The following STXBP5L variants were observed in gnomAD, a reference collection of about 807,000 sequenced individuals.
STXBP5L encodes the protein syntaxin-binding protein 5-like.
Under a neutral mutation model 144.5 loss-of-function variants are expected in STXBP5L, and 65 were observed. The ratio of observed to expected loss-of-function variants is 0.45; its 90% confidence interval spans 0.37 to 0.55. The LOEUF is 0.55. Among genes scored for constraint, STXBP5L ranks in the 20% least tolerant of loss-of-function variants. STXBP5L has a pLI of 0.00. For synonymous variants in STXBP5L, 505 were observed against 469.6 expected, an observed-to-expected ratio of 1.08 and a Z score of -0.97; for missense variants, 1,298 against 1,405.5, an observed-to-expected ratio of 0.92 and a Z score of 1.22.
chr3:121,405,627 C>T (rs1478734215), intron 22 of STXBP5L, among the ~76,000 whole-genome samples: 1 of 151,990 alleles, frequency 6.6e-6, no homozygotes, highest in East Asian at 1.9e-4. Context: ...TTATTGAAGC[C>T]CATAAGTTTA....
chr3:121,086,243 G>C (rs1173475711), intron 5 of STXBP5L, among the ~76,000 whole-genome samples: 1 of 151,940 alleles, frequency 6.6e-6, no homozygotes, highest in Non-Finnish European at 1.5e-5. Context: ...AGCTATATCT[G>C]ACAAATGTTT....
At chr3:121,289,774 A>T (rs2051360594) in intron 19 of STXBP5L, among the ~76,000 whole-genome samples, 1 of 152,218 alleles carries the variant, frequency 6.6e-6, no homozygotes, top group South Asian at 2.1e-4. Context: ...AACTATGCAA[A>T]TACATAGAAA....
chr3:121,181,282 C>T (rs147383921), intron 9 of STXBP5L, among the ~76,000 whole-genome samples: 5 of 152,112 alleles, frequency 3.3e-5, no homozygotes, highest in South Asian at 2.1e-4. Flanking sequence ...TGCCATTCCA[C>T]TCCAGCCTGG....
intron 18 of STXBP5L, among the ~76,000 whole-genome samples, chr3:121,274,207 T>C (rs540505042): frequency 1.2e-4 from 18 of 152,236 alleles, no homozygotes; most frequent in African/African-American, 4.3e-4. Context: ...TCTGGTCTTT[T>C]TGAAGTAGAT....
At chr3:121,163,812 G>A (rs1231410258) in intron 9 of STXBP5L, among the ~76,000 whole-genome samples, 1 of 151,676 alleles carries the variant, frequency 6.6e-6, no homozygotes, top group East Asian at 1.9e-4. Context: ...TGGTAAGCAT[G>A]AGAATAAGGA....
chr3:120,962,464 G>A (rs1402773811), intron 3 of STXBP5L, among the ~76,000 whole-genome samples: 1 of 152,152 alleles, frequency 6.6e-6, no homozygotes, highest in Non-Finnish European at 1.5e-5. Context: ...TAAGGTGTAA[G>A]GAAGAGATCC....
At chr3:121,398,300 G>A (rs2046783936) in intron 22 of STXBP5L, among the ~76,000 whole-genome samples, 1 of 152,214 alleles carries the variant, frequency 6.6e-6, no homozygotes, top group African/African-American at 2.4e-5. Context: ...CTCCTGTTGG[G>A]ACCTTTTGTG....
At chr3:121,305,684 A>T (rs1259356124) in intron 19 of STXBP5L, among the ~76,000 whole-genome samples, 2 of 152,176 alleles carry the variant, frequency 1.3e-5, no homozygotes, top group African/African-American at 4.8e-5. Context: ...AATCTACAGC[A>T]TCATACTTGA....
intron 3 of STXBP5L, among the ~76,000 whole-genome samples, chr3:120,997,536 A>T (rs1162575605): frequency 6.6e-6 from 1 of 152,106 alleles, no homozygotes; most frequent in Non-Finnish European, 1.5e-5. Flanking sequence ...CTAATGATTG[A>T]ACATTTTTTC....
At chr3:121,338,450 C>G (rs1438832304) in intron 20 of STXBP5L, among the ~76,000 whole-genome samples, 1 of 151,502 alleles carries the variant, frequency 6.6e-6, no homozygotes, top group Non-Finnish European at 1.5e-5. Flanking sequence ...TTGAGACCAG[C>G]CTAGCCAACA....
At chr3:121,411,755 C>A (rs1576373701) in intron 23 of STXBP5L, among the ~76,000 whole-genome samples, 1 of 152,038 alleles carries the variant, frequency 6.6e-6, no homozygotes, top group East Asian at 1.9e-4. Flanking sequence ...ATTTTCATTT[C>A]CTGTGTATAG....
chr3:121,352,484 T>C (rs2045328922), intron 20 of STXBP5L, among the ~76,000 whole-genome samples: 1 of 152,106 alleles, frequency 6.6e-6, no homozygotes, highest in Non-Finnish European at 1.5e-5. Context: ...GCTCTCTGTT[T>C]GTCTGTTATT....
At chr3:121,311,543 C>A (rs540534693) in intron 19 of STXBP5L, among the ~76,000 whole-genome samples, 9 of 152,148 alleles carry the variant, frequency 5.9e-5, no homozygotes, top group Non-Finnish European at 1.3e-4. Flanking sequence ...TCTTATACAA[C>A]AATAACAGAC....
chr3:121,327,584 A>G (rs1192017139), intron 20 of STXBP5L, among the ~76,000 whole-genome samples: 1 of 152,192 alleles, frequency 6.6e-6, no homozygotes, highest in Non-Finnish European at 1.5e-5. Flanking sequence ...AAGTTGATAG[A>G]TGTAACTAGG....
At chr3:120,956,307 A>G (rs1310658673) in intron 3 of STXBP5L, among the ~76,000 whole-genome samples, 2 of 151,828 alleles carry the variant, frequency 1.3e-5, no homozygotes, top group Non-Finnish European at 2.9e-5. Flanking sequence ...GAAACTCTAC[A>G]CCCATTAAAT....
chr3:121,362,545 A>G (rs1230458089), intron 20 of STXBP5L, among the ~76,000 whole-genome samples: 1 of 152,104 alleles, frequency 6.6e-6, no homozygotes, highest in Non-Finnish European at 1.5e-5. Context: ...CTGTCATGCT[A>G]CCACTAACAT....
intron 20 of STXBP5L, among the ~76,000 whole-genome samples, chr3:121,342,873 T>G (rs201316624): frequency 2.2e-4 from 33 of 148,788 alleles, no homozygotes; most frequent in Non-Finnish European, 2.8e-4. Context: ...GTAATGGGAT[T>G]GCTGGGTCAA....
rs61675973 is a variant in STXBP5L, at chr3:121,399,804, G to A, written c.2588-7439G>A. Among the ~76,000 whole-genome samples, 522 of 152,342 alleles carry A rather than the reference G, an allele frequency of 3.4e-3. 4 individuals are homozygous for A. Among genetic ancestry groups the A allele is most frequent in the African/African-American group, 0.012 (493 of 41,570 alleles). ...ACGGCCATCATGAACATGTCACAGT[G>A]CTGCAGAGATTTTGTTTATGGCTAG... On this transcript the variant is annotated intron_variant, in intron 22 of 26. Transcript: ENST00000471454.
chr3:121,346,715 T>C (rs1265904553), intron 20 of STXBP5L, among the ~76,000 whole-genome samples: 1 of 152,228 alleles, frequency 6.6e-6, no homozygotes, highest in African/African-American at 2.4e-5. Context: ...GTGATGAGCA[T>C]TTTTGTATGT....
Sources: allele counts gnomAD v4.1 joint callset (sites outside exome capture counted in the v4.1 genomes callset), GRCh38; gene constraint gnomAD v4.1.1; transcripts MANE v1.5; gene names NCBI Gene and HGNC (gene_info 2026-07-23, HGNC 2026-07-21).